MAML3: variants seen among roughly 807,000 people sequenced by gnomAD.
MAML3 encodes the protein mastermind like transcriptional coactivator 3, also known as mastermind-like protein 3.
A neutral mutation model predicts 101.9 loss-of-function variants in MAML3; 27 were observed. That is an observed-to-expected ratio of 0.27 (90% CI 0.20 to 0.37). The LOEUF (loss-of-function observed/expected upper bound fraction) is 0.37. MAML3 is among the 10% of genes least tolerant of loss of function. The pLI is 1.00. For synonymous variants in MAML3, 501 were observed against 555.9 expected, an observed-to-expected ratio of 0.90 and a Z score of 1.39; for missense variants, 1,316 against 1,444.9, an observed-to-expected ratio of 0.91 and a Z score of 1.45.
chr4:139,765,715 T>G (rs916683330), intron 2 of MAML3, among the ~76,000 whole-genome samples: 1 of 152,172 alleles, frequency 6.6e-6, no homozygotes, highest in Non-Finnish European at 1.5e-5. Context: ...TGGCCAGGTG[T>G]GGTGGCTCAT....
In MAML3 at chr4:139,810,185, ATTTTTTT is replaced by A. The variant is rs757041549; in HGVS notation, c.2079+79165_2079+79171del. ...TCATGCAATATGTAAACCAAAATTG[ATTTTTTT>A]TTTTTTTTTTTTTTTTTAGAGACAG... On this transcript the variant is annotated intron_variant, in intron 2 of 4. Coordinates refer to ENST00000509479, the MANE Select transcript of MAML3 (RefSeq NM_018717.5). 1.9e-4 allele frequency among the ~76,000 whole-genome samples: 22 copies of A among 114,624 alleles called. No homozygotes were observed. The South Asian group carries it at 2.2e-3, about 11-fold the overall frequency. 75.2% of individuals were successfully genotyped at this position (114,624 alleles called of 152,430 possible).
chr4:139,951,354 G>A (rs894845556), intron 1 of MAML3, among the ~76,000 whole-genome samples: 11 of 152,220 alleles, frequency 7.2e-5, no homozygotes, highest in African/African-American at 2.7e-4. Flanking sequence ...ATGCACACCA[G>A]CAAGGAAGAG....
intron 2 of MAML3, among the ~76,000 whole-genome samples, chr4:139,776,100 T>C (rs888115523): frequency 6.6e-6 from 1 of 152,232 alleles, no homozygotes; most frequent in African/African-American, 2.4e-5. Flanking sequence ...AAATGATAAA[T>C]GCATCTGCAC....
At chr4:139,756,945 AGC>A (rs1729665843) in intron 2 of MAML3, among the ~76,000 whole-genome samples, 4 of 152,162 alleles carry the variant, frequency 2.6e-5, no homozygotes, top group Non-Finnish European at 5.9e-5. Context: ...GCAGCTTGGA[AGC>A]GCATTATCAC....
At chr4:140,076,607 G>A (rs761366231) in intron 1 of MAML3, among the ~76,000 whole-genome samples, 7 of 152,152 alleles carry the variant, frequency 4.6e-5, no homozygotes, top group Non-Finnish European at 1.0e-4. Flanking sequence ...CTGATTTATT[G>A]AGGCTTCCAG....
intron 2 of MAML3, among the ~76,000 whole-genome samples, chr4:139,887,117 GT>G (rs1560824997): frequency 6.6e-6 from 1 of 152,158 alleles, no homozygotes; most frequent in African/African-American, 2.4e-5. Context: ...ATTCGTGCTC[GT>G]ATTTGTGGAA....
chr4:139,789,967 C>G (rs1730375170), intron 2 of MAML3, among the ~76,000 whole-genome samples: 1 of 151,920 alleles, frequency 6.6e-6, no homozygotes, highest in African/African-American at 2.4e-5. Context: ...GTGTGAGAAT[C>G]CCAGGAGAAG....
At chr4:140,055,959 A>C (rs1336607451) in intron 1 of MAML3, among the ~76,000 whole-genome samples, 1 of 152,222 alleles carries the variant, frequency 6.6e-6, no homozygotes, top group Non-Finnish European at 1.5e-5. Context: ...AGGAGAGAAA[A>C]CAGAAAAAAG....
At chr4:139,958,695 A>G (rs570165869) in intron 1 of MAML3, among the ~76,000 whole-genome samples, 17 of 152,286 alleles carry the variant, frequency 1.1e-4, no homozygotes, top group African/African-American at 3.6e-4. Flanking sequence ...CTTCACGTTC[A>G]GGTCTTGAAT....
At chr4:140,039,698 G>T (rs1186884471) in intron 1 of MAML3, among the ~76,000 whole-genome samples, 1 of 152,148 alleles carries the variant, frequency 6.6e-6, no homozygotes, top group Non-Finnish European at 1.5e-5. Context: ...GGCCAGGCAT[G>T]CATTTGACAA....
chr4:139,961,759 G>C (rs1447744363), intron 1 of MAML3, among the ~76,000 whole-genome samples: 1 of 152,174 alleles, frequency 6.6e-6, no homozygotes, highest in African/African-American at 2.4e-5. Context: ...TCAATAAACA[G>C]GAAGTAAAAT....
chr4:139,943,528 A>G (rs1297884108), intron 1 of MAML3, among the ~76,000 whole-genome samples: 1 of 152,184 alleles, frequency 6.6e-6, no homozygotes, highest in Non-Finnish European at 1.5e-5. Flanking sequence ...GCTTAAGAAG[A>G]TAAGCTTACT....
At chr4:139,896,557 A>T (rs548553922) in intron 1 of MAML3, among the ~76,000 whole-genome samples, 13 of 151,444 alleles carry the variant, frequency 8.6e-5, no homozygotes, top group African/African-American at 3.2e-4. Flanking sequence ...TAATGGCTCC[A>T]GCGCAAGTCC....
chr4:139,964,659 T>C (rs1354187514), intron 1 of MAML3, among the ~76,000 whole-genome samples: 2 of 152,222 alleles, frequency 1.3e-5, no homozygotes, highest in Non-Finnish European at 2.9e-5. Context: ...GGTTTTTTAC[T>C]CCTTTATACA....
chr4:140,033,591 A>G (rs761653958), intron 1 of MAML3, among the ~76,000 whole-genome samples: 7 of 152,212 alleles, frequency 4.6e-5, no homozygotes, highest in Non-Finnish European at 5.9e-5. Flanking sequence ...ATAAGGCCAT[A>G]TAGCACAGTG....
At chr4:139,835,794 T>C (rs1241310727) in intron 2 of MAML3, among the ~76,000 whole-genome samples, 2 of 152,220 alleles carry the variant, frequency 1.3e-5, no homozygotes, top group Non-Finnish European at 2.9e-5. Context: ...ATTTTCTTCA[T>C]ACAATGACAG....
intron 2 of MAML3, among the ~76,000 whole-genome samples, chr4:139,824,231 C>T (rs549544278): frequency 7.3e-4 from 111 of 152,254 alleles, no homozygotes; most frequent in African/African-American, 2.5e-3. Context: ...ACCTGCAAGT[C>T]GCTTATATTG....
At chr4:139,850,393 CT>C (rs1296967646) in intron 2 of MAML3, among the ~76,000 whole-genome samples, 1 of 152,166 alleles carries the variant, frequency 6.6e-6, no homozygotes, top group Non-Finnish European at 1.5e-5. Context: ...CTGGTGACCT[CT>C]TTGGTTAGTG....
intron 1 of MAML3, among the ~76,000 whole-genome samples, chr4:140,018,121 C>CTCCA (rs1726673571): frequency 6.6e-6 from 1 of 152,142 alleles, no homozygotes; most frequent in Non-Finnish European, 1.5e-5. Flanking sequence ...GTGTAGCTAT[C>CTCCA]TCCAATTCAA....
Sources: gnomAD v4.1 joint callset for allele counts (sites outside exome capture counted in the v4.1 genomes callset) on GRCh38, gnomAD v4.1.1 for gene constraint, MANE v1.5 for transcripts, NCBI Gene and HGNC (gene_info 2026-07-23, HGNC 2026-07-21) for gene names.